Variants in MEGF10 observed in about 807,000 individuals in gnomAD.
MEGF10 encodes multiple EGF like domains 10.
MEGF10 carries 86 observed loss-of-function variants against 147.5 expected under a neutral mutation model. The ratio of observed to expected loss-of-function variants is 0.58; its 90% CI spans 0.49 to 0.70. The LOEUF is 0.70. MEGF10 is among the 30% of genes least tolerant of loss of function. The probability of loss-of-function intolerance (pLI) is 0.00; values close to 1 mark genes in which losing one functional copy is unlikely to be tolerated. For missense variants in MEGF10, 1,329 were observed against 1,487.3 expected, an observed-to-expected ratio of 0.89 and a Z score of 1.75; for synonymous variants, 478 against 525.5, an observed-to-expected ratio of 0.91 and a Z score of 1.24.
chr5:127,275,254 T>C, the MEGF10 span, among the ~76,000 whole-genome samples: 19 of 152,226 alleles, frequency 1.2e-4, no homozygotes, highest in Non-Finnish European at 2.4e-4. Context: ...GACAATAATA[T>C]GAAAAGCATT....
the MEGF10 span, among the ~76,000 whole-genome samples, chr5:127,237,577 G>A: frequency 3.3e-5 from 5 of 152,180 alleles, no homozygotes; most frequent in African/African-American, 1.2e-4. Context: ...AAGAAAACAT[G>A]CTATGTGTGT....
chr5:127,364,258 C>T (rs190286707), intron 4 of MEGF10, among the ~76,000 whole-genome samples: 1 of 152,310 alleles, frequency 6.6e-6, no homozygotes, highest in African/African-American at 2.4e-5. Context: ...ACCCCTGTAC[C>T]TACTACCCAT....
the MEGF10 span, among the ~76,000 whole-genome samples, chr5:127,254,036 T>C: frequency 1.3e-5 from 2 of 152,166 alleles, no homozygotes; most frequent in Admixed American, 6.5e-5. Context: ...CTTTGCACTT[T>C]CTAGCTTCTG....
chr5:127,440,048 G>A (rs1005663076), intron 17 of MEGF10, among the ~76,000 whole-genome samples: 1 of 152,178 alleles, frequency 6.6e-6, no homozygotes, highest in Admixed American at 6.5e-5. Context: ...CTTTCATCAC[G>A]CCAGAGATCC....
chr5:127,295,761 A>G (rs1280268751), intron 1 of MEGF10, among the ~76,000 whole-genome samples: 1 of 152,228 alleles, frequency 6.6e-6, no homozygotes, highest in Non-Finnish European at 1.5e-5. Context: ...ACGAAGCAAT[A>G]TTGAGGACTG....
chr5:127,386,819 G>GTTTTTGTTTTTGTTTTT (rs1763452212), intron 5 of MEGF10, among the ~76,000 whole-genome samples: 1 of 152,206 alleles, frequency 6.6e-6, no homozygotes, highest in Non-Finnish European at 1.5e-5. Flanking sequence ...CATTCTTTTT[G>GTTTTTGTTTTTGTTTTT]CTGGGCTGGG....
intron 5 of MEGF10, among the ~76,000 whole-genome samples, chr5:127,385,354 A>G (rs1400741367): frequency 6.6e-6 from 1 of 151,860 alleles, no homozygotes; most frequent in Non-Finnish European, 1.5e-5. Flanking sequence ...GCTGGAATGC[A>G]GTGGTGTGAT....
rs1482329207 is a variant in MEGF10 at position 127,320,041 on chromosome 5, A to G, written c.-18-11250A>G. Among the ~76,000 whole-genome samples, 2 of 152,200 alleles carry G rather than the reference A, an allele frequency of 1.3e-5. 1 individual carries two copies. Among genetic ancestry groups the G allele is most frequent in the Non-Finnish European group, 2.9e-5 (2 of 68,026 alleles). On this transcript the variant is annotated intron_variant, in intron 1 of 24. Transcript: ENST00000503335. Reference sequence around the variant, plus strand: ...TTGGACCAGCTTTCTGCTAAAGGCTATGTTCACACAAAAGTCGATGAATCT... The same window carrying G: ...TTGGACCAGCTTTCTGCTAAAGGCTGTGTTCACACAAAAGTCGATGAATCT...
chr5:127,439,303 T>C (rs1051481466), intron 17 of MEGF10, among the ~76,000 whole-genome samples: 6 of 152,166 alleles, frequency 3.9e-5, no homozygotes, highest in Admixed American at 6.5e-5. Flanking sequence ...TTCGGTTGAA[T>C]AAAGGAGACA....
chr5:127,387,979 T>C (rs939095473), intron 5 of MEGF10, among the ~76,000 whole-genome samples: 3 of 151,424 alleles, frequency 2.0e-5, no homozygotes, highest in African/African-American at 4.9e-5. Context: ...GTGAAAGTTA[T>C]AGCGCTCTAC....
At chr5:127,271,629 C>A in the MEGF10 span, among the ~76,000 whole-genome samples, 7 of 151,892 alleles carry the variant, frequency 4.6e-5, no homozygotes, top group African/African-American at 1.7e-4. Context: ...GGGGTGGCCA[C>A]CCCCCATGCT....
At chr5:127,239,814 A>G in the MEGF10 span, among the ~76,000 whole-genome samples, 1 of 152,076 alleles carries the variant, frequency 6.6e-6, no homozygotes, top group Non-Finnish European at 1.5e-5. Flanking sequence ...ATTTAGTCAG[A>G]TTTCCTGCTG....
At chr5:127,376,321 A>G (rs1763024697) in intron 5 of MEGF10, among the ~76,000 whole-genome samples, 1 of 152,164 alleles carries the variant, frequency 6.6e-6, no homozygotes, top group Non-Finnish European at 1.5e-5. Flanking sequence ...AGATGGTGAA[A>G]GAAAAGAGGG....
At chr5:127,393,228 AG>A (rs1763771039) in intron 5 of MEGF10, among the ~76,000 whole-genome samples, 1 of 152,258 alleles carries the variant, frequency 6.6e-6, no homozygotes, top group African/African-American at 2.4e-5. Context: ...GATGTCAGAT[AG>A]TTTGAATTCA....
chr5:127,394,660 G>A (rs979536609), intron 5 of MEGF10, among the ~76,000 whole-genome samples: 1 of 151,780 alleles, frequency 6.6e-6, no homozygotes. Flanking sequence ...AATTACAGTG[G>A]AAAAAAGACT....
intron 1 of MEGF10, among the ~76,000 whole-genome samples, chr5:127,309,947 C>CTCTTTCCTT (rs1554088995): frequency 2.0e-4 from 18 of 90,396 alleles, no homozygotes; most frequent in Non-Finnish European, 3.7e-4. Flanking sequence ...TCCTTGCCAA[C>CTCTTTCCTT]TCTTTCTTTC....
rs186044688 is a variant in MEGF10, at chr5:127,449,924, T to C, written c.2980+702T>C. On this transcript the variant is annotated intron_variant, in intron 22 of 24. Coordinates refer to ENST00000503335, the MANE Select transcript of MEGF10 (RefSeq NM_001256545.2). ...AATAAAAACTGGAAAAAATAGAATG[T>C]TAATTTATTTAAATTAATAATAATC... is the stretch of plus-strand genomic sequence containing the variant. Among the ~76,000 whole-genome samples the C allele has an allele frequency of 4.0e-3, 608 of 151,992 alleles. 8 individuals are homozygous for C. Among genetic ancestry groups the C allele is most frequent in the African/African-American group, 0.014 (575 of 41,468 alleles).
chr5:127,340,817 C>G (rs1761651266), intron 4 of MEGF10, among the ~76,000 whole-genome samples, 187 bp downstream of exon 4: 1 of 152,128 alleles, frequency 6.6e-6, no homozygotes, highest in Non-Finnish European at 1.5e-5. Context: ...CTGTCTTATC[C>G]AAAGTCTCCA....
Position 127,440,718 on chromosome 5 carries a change from C to T in MEGF10, c.2234-21C>T, listed in dbSNP as rs1361755432. Reference sequence around the variant, plus strand: ...CTCTTCAGCAGCCTCTTGACTCCTACTGTCCTCCCTCCTCCCACAGGATGT... The same window carrying T: ...CTCTTCAGCAGCCTCTTGACTCCTATTGTCCTCCCTCCTCCCACAGGATGT... On this transcript the variant is annotated intron_variant, in intron 17 of 24. Transcript: ENST00000503335. The T allele has an allele frequency of 2.5e-6, 4 of 1,612,570 alleles. No individual in the cohort carries two copies. In the South Asian group the frequency reaches 4.4e-5, roughly 18 times the overall value.
Sources: gnomAD v4.1 joint callset for allele counts (sites outside exome capture counted in the v4.1 genomes callset) on GRCh38, gnomAD v4.1.1 for gene constraint, MANE v1.5 for transcripts, NCBI Gene and HGNC (gene_info 2026-07-23, HGNC 2026-07-21) for gene names.